The following CDC73 variants were observed in gnomAD, a reference collection of about 807,000 sequenced individuals.
CDC73 encodes cell division cycle 73.
In CDC73, 21 loss-of-function variants were observed where a neutral mutation model predicts 83.7. The ratio of observed to expected loss-of-function variants is 0.25; its 90% CI spans 0.18 to 0.36. The LOEUF is 0.36. CDC73 is among the 10% of genes least tolerant of loss of function. The probability of loss-of-function intolerance (pLI) is 1.00; values close to 1 mark genes in which losing one functional copy is unlikely to be tolerated. For synonymous variants in CDC73, 224 were observed against 212.9 expected (o/e 1.05, Z -0.45); for missense variants, 342 against 653.3 (o/e 0.52, Z 5.19).
At chr1:193,172,488 C>G (rs916142078) in intron 10 of CDC73, among the ~76,000 whole-genome samples, 8 of 152,028 alleles carry the variant, frequency 5.3e-5, no homozygotes, top group Non-Finnish European at 1.2e-4. Context: ...GGTTATAGAG[C>G]CTTTTATGTG....
chr1:193,131,148 T>G (rs1380061567), intron 3 of CDC73, among the ~76,000 whole-genome samples: 1 of 152,208 alleles, frequency 6.6e-6, no homozygotes, highest in Non-Finnish European at 1.5e-5. Context: ...CCTTGAATGT[T>G]GAATAGGCAT....
At chr1:193,200,453 C>G (rs1015678956) in intron 10 of CDC73, among the ~76,000 whole-genome samples, 1 of 152,146 alleles carries the variant, frequency 6.6e-6, no homozygotes, top group African/African-American at 2.4e-5. Flanking sequence ...AAACAGCATA[C>G]TTTGTTTTGT....
chr1:193,193,613 A>G (rs989020030), intron 10 of CDC73, among the ~76,000 whole-genome samples: 2 of 152,192 alleles, frequency 1.3e-5, no homozygotes, highest in African/African-American at 4.8e-5. Flanking sequence ...TTCTGTTTAT[A>G]TCCTCCATTT....
chr1:193,215,624 C>T (rs1387634853), intron 13 of CDC73, among the ~76,000 whole-genome samples: 1 of 150,116 alleles, frequency 6.7e-6, no homozygotes, highest in Non-Finnish European at 1.5e-5. Flanking sequence ...GGGTCTTTCT[C>T]TGTCACACAG....
chr1:193,122,947 A>G (rs886944086), intron 1 of CDC73, among the ~76,000 whole-genome samples: 2 of 152,222 alleles, frequency 1.3e-5, no homozygotes, highest in South Asian at 4.1e-4. Context: ...TACAGATCTA[A>G]GAAATAGATG....
At chr1:193,173,216 A>C (rs1241220450) in intron 10 of CDC73, among the ~76,000 whole-genome samples, 1 of 152,150 alleles carries the variant, frequency 6.6e-6, no homozygotes, top group Non-Finnish European at 1.5e-5. Context: ...GGTATGCCTT[A>C]TTCTATTTCT....
chr1:193,142,324 T>C (rs975108044), intron 7 of CDC73, among the ~76,000 whole-genome samples: 7 of 152,136 alleles, frequency 4.6e-5, no homozygotes, highest in African/African-American at 1.7e-4. Flanking sequence ...CATTTGCAAA[T>C]CAAAGAATGG....
At chr1:193,215,778 C>G (rs888901919) in intron 13 of CDC73, among the ~76,000 whole-genome samples, 1 of 151,934 alleles carries the variant, frequency 6.6e-6, no homozygotes, top group African/African-American at 2.4e-5. Flanking sequence ...TTTGTAGAGA[C>G]TGGGCTTAGC....
At position 193,212,457 on chromosome 1, in the gene CDC73, A is replaced by G; in HGVS notation, c.1134A>G (p.Lys378=). The change falls in exon 13 of 17, where the codon AAA becomes AAG. Residue 378 remains lysine (K), a synonymous_variant. Coordinates refer to ENST00000367435, the MANE Select transcript of CDC73 (RefSeq NM_024529.5). ...CTTTAATAACCATGCTTAATGCAAAAGACCTTCTACAGGACCTGAAGTAAG... is the reference window on the plus strand; with the variant it reads ...CTTTAATAACCATGCTTAATGCAAAGGACCTTCTACAGGACCTGAAGTAAG... ...TTSLITMLNA[K]DLLQDLKFVP... 2 of 1,600,578 alleles carry G rather than the reference A, an allele frequency of 1.2e-6. No individual in the cohort carries two copies. The highest frequency in any genetic ancestry group is 4.5e-5 in the East Asian group (2 of 44,648).
At chr1:193,249,965 C>A in intron 16 of CDC73, 94 bp downstream of exon 16, 1 of 1,120,012 alleles carries the variant, frequency 8.9e-7, no homozygotes, top group Non-Finnish European at 1.4e-6. Flanking sequence ...CAGTCTTATT[C>A]CCTAATTCCC....
chr1:193,156,704 T>C (rs1473611469), intron 10 of CDC73, among the ~76,000 whole-genome samples: 3 of 152,108 alleles, frequency 2.0e-5, no homozygotes, highest in African/African-American at 4.8e-5. Flanking sequence ...CTGCTTGAAG[T>C]GTTACGGGAG....
chr1:193,181,481 T>A (rs767071802), intron 10 of CDC73: 4 of 1,613,850 alleles, frequency 2.5e-6, no homozygotes, highest in Non-Finnish European at 3.4e-6. Context: ...AGTACTCCAA[T>A]AAGATGAGTG....
chr1:193,138,244 A>C (rs1356686630), intron 6 of CDC73, 71 bp downstream of exon 6: 2 of 1,007,254 alleles, frequency 2.0e-6, no homozygotes, highest in East Asian at 4.8e-5. Flanking sequence ...AGGAATATTA[A>C]AATGCTCTCC....
intron 7 of CDC73, among the ~76,000 whole-genome samples, chr1:193,142,496 A>G (rs1217086265): frequency 6.6e-6 from 1 of 152,130 alleles, no homozygotes. Context: ...TTTACACACT[A>G]TATTCTGTTG....
At chr1:193,157,750 T>TA (rs1676231975) in intron 10 of CDC73, among the ~76,000 whole-genome samples, 1 of 152,218 alleles carries the variant, frequency 6.6e-6, no homozygotes, top group South Asian at 2.1e-4. Context: ...ACCAGTTTGT[T>TA]AAAGATAAGT....
At chr1:193,187,202 G>T (rs1013193859) in intron 10 of CDC73, among the ~76,000 whole-genome samples, 5 of 145,534 alleles carry the variant, frequency 3.4e-5, no homozygotes, top group Non-Finnish European at 7.4e-5. Flanking sequence ...CTCTTATGTG[G>T]TTTTTGGTGT....
intron 10 of CDC73, among the ~76,000 whole-genome samples, chr1:193,163,527 C>G (rs192775419): frequency 6.6e-6 from 1 of 151,890 alleles, no homozygotes; most frequent in East Asian, 1.9e-4. Flanking sequence ...AAAGAAGTTA[C>G]TTTAAGAAGA....
chr1:193,165,386 A>G (rs959675959), intron 10 of CDC73, among the ~76,000 whole-genome samples: 3 of 152,246 alleles, frequency 2.0e-5, no homozygotes, highest in Non-Finnish European at 4.4e-5. Flanking sequence ...GTGCAAATAA[A>G]GTAGTATCAT....
At chr1:193,222,071 TAACA>T (rs1235067786) in intron 13 of CDC73, among the ~76,000 whole-genome samples, 6 of 152,156 alleles carry the variant, frequency 3.9e-5, no homozygotes, top group Admixed American at 2.6e-4. Flanking sequence ...TTTAACATGC[TAACA>T]AACAAAATTG....
Sources: allele counts gnomAD v4.1 joint callset (sites outside exome capture counted in the v4.1 genomes callset), GRCh38; gene constraint gnomAD v4.1.1; transcripts MANE v1.5; gene names NCBI Gene and HGNC (gene_info 2026-07-23, HGNC 2026-07-21).